HUNK: variants seen among roughly 807,000 people sequenced by gnomAD.
The protein encoded by HUNK is hormonally up-regulated Neu-associated kinase, also known as hormonally up-regulated neu tumor-associated kinase.
HUNK carries 21 observed loss-of-function variants against 61.0 expected under a neutral mutation model. The observed-to-expected ratio is 0.34, with a 90% CI of 0.24 to 0.50. The LOEUF (loss-of-function observed/expected upper bound fraction) is 0.50, where lower values mean the gene tolerates loss of function less well. HUNK is among the 20% of genes least tolerant of loss of function. HUNK has a pLI of 0.98. For missense variants in HUNK, 772 were observed against 945.7 expected, an observed-to-expected ratio of 0.82 and a Z score of 2.41; for synonymous variants, 371 against 386.1, an observed-to-expected ratio of 0.96 and a Z score of 0.46.
At chr21:31,916,633 A>C (rs1325101391) in intron 1 of HUNK, among the ~76,000 whole-genome samples, 1 of 147,294 alleles carries the variant, frequency 6.8e-6, no homozygotes, top group African/African-American at 2.5e-5. Context: ...TGCAGGGCAA[A>C]CTCTTCCTCC....
At chr21:31,932,867 C>T (rs2123822620) in intron 2 of HUNK, among the ~76,000 whole-genome samples, 1 of 151,982 alleles carries the variant, frequency 6.6e-6, no homozygotes, top group South Asian at 2.1e-4. Context: ...ATCCTCACCC[C>T]CAGCACTGTC....
intron 6 of HUNK, among the ~76,000 whole-genome samples, chr21:31,971,219 G>A (rs1438324652): frequency 6.6e-6 from 1 of 151,874 alleles, no homozygotes; most frequent in Admixed American, 6.6e-5. Flanking sequence ...GCTGGGATTA[G>A]TGCCACCACG....
rs142122567 is a variant in HUNK, at chr21:31,877,861, G to A, written c.261+3926G>A. Among the ~76,000 whole-genome samples the A allele has an allele frequency of 3.3e-3, 500 of 152,168 alleles. 1 individual carries two copies. The highest frequency in any genetic ancestry group is 0.011 in the African/African-American group (461 of 41,510). On this transcript the variant is annotated intron_variant, in intron 1 of 10. Transcript: ENST00000270112. Reference sequence around the variant, plus strand: ...CTCTGGCACATAACAAGTGCCCCCCGCCCTGGCCCCCAACCAGACAGAGTG... The same window carrying A: ...CTCTGGCACATAACAAGTGCCCCCCACCCTGGCCCCCAACCAGACAGAGTG...
At chr21:31,934,442 C>CAAAAAA (rs35817125) in intron 2 of HUNK, among the ~76,000 whole-genome samples, 38 of 88,794 alleles carry the variant, frequency 4.3e-4, no homozygotes, top group South Asian at 1.1e-3. Flanking sequence ...GACTCTGCCT[C>CAAAAAA]AAAAAAAAAA....
intron 2 of HUNK, among the ~76,000 whole-genome samples, chr21:31,933,962 C>T (rs2052715567): frequency 6.6e-6 from 1 of 152,010 alleles, no homozygotes; most frequent in Non-Finnish European, 1.5e-5. Context: ...ACCGCATCGT[C>T]ATGTGCCGAC....
Position 31,995,810 on chromosome 21 carries a change from C to T in HUNK, c.1348C>T (p.His450Tyr). ...ACAAGAAAAAAGAGGGGATTTTCTT[C>T]ATCGACCATTCTCCAAGAAGTTGGA... ...KEQEKRGDFL[H>Y]RPFSKKLDKN... is the part of the protein sequence containing the mutation. The change falls in exon 10 of 11, where the codon CAT (histidine) becomes TAT (tyrosine). Residue 450 changes from histidine to tyrosine, a missense_variant. His to Tyr is a moderately conservative substitution (Grantham distance 83, BLOSUM62 2). Around this residue, in one of 2 missense-constraint regions of HUNK, gnomAD observed 413 missense variants for 444.4 expected, o/e 0.93. Transcript: ENST00000270112. 6.2e-7 allele frequency: 1 copy of T among 1,614,188 alleles called. No individual in the cohort carries two copies. The highest frequency in any genetic ancestry group is 1.1e-5 in the South Asian group (1 of 91,082).
intron 7 of HUNK, among the ~76,000 whole-genome samples, chr21:31,976,933 A>G (rs140308926): frequency 2.8e-3 from 417 of 149,238 alleles, no homozygotes; most frequent in Middle Eastern, 7.6e-3. Context: ...ACCATGACCA[A>G]CTAATTTTTG....
chr21:31,985,879 G>A (rs998749835), intron 8 of HUNK, among the ~76,000 whole-genome samples: 2 of 152,252 alleles, frequency 1.3e-5, no homozygotes, highest in Non-Finnish European at 1.5e-5. Flanking sequence ...ACATGACCTC[G>A]ATAGAAGGAT....
At chr21:31,905,003 G>A (rs1000437192) in intron 1 of HUNK, among the ~76,000 whole-genome samples, 4 of 151,772 alleles carry the variant, frequency 2.6e-5, no homozygotes, top group East Asian at 1.9e-4. Context: ...GCTTGAACCC[G>A]GGAGGCAGAG....
intron 6 of HUNK, among the ~76,000 whole-genome samples, chr21:31,971,061 T>G (rs1234823257): frequency 1.1e-4 from 5 of 46,398 alleles, no homozygotes; most frequent in African/African-American, 4.6e-4. Flanking sequence ...AGAATTCTTT[T>G]TCTTTATTTT....
At chr21:31,875,025 GC>G (rs1032501117) in intron 1 of HUNK, among the ~76,000 whole-genome samples, 1 of 152,166 alleles carries the variant, frequency 6.6e-6, no homozygotes, top group Non-Finnish European at 1.5e-5. Context: ...GCTCAAGACT[GC>G]CCCCAGGCTG....
intron 2 of HUNK, 80 bp from the exon 3 acceptor site, chr21:31,940,085 T>C: frequency 8.7e-7 from 1 of 1,152,148 alleles, no homozygotes; most frequent in South Asian, 1.4e-5. Context: ...TAAAAACAGT[T>C]CATTTCCCTT....
chr21:31,959,078 C>T, intron 5 of HUNK, 108 bp downstream of exon 5: 1 of 1,158,802 alleles, frequency 8.6e-7, no homozygotes, highest in Non-Finnish European at 1.2e-6. Context: ...ATGTCTATCC[C>T]ATGGTTATAA....
chr21:31,886,814 T>G (rs1394583154), intron 1 of HUNK, among the ~76,000 whole-genome samples: 1 of 152,040 alleles, frequency 6.6e-6, no homozygotes, highest in Non-Finnish European at 1.5e-5. Flanking sequence ...CCCAGCTAAT[T>G]TTTGTATTTT....
chr21:31,933,926 C>T (rs939580185), intron 2 of HUNK, among the ~76,000 whole-genome samples: 2 of 152,118 alleles, frequency 1.3e-5, no homozygotes, highest in Non-Finnish European at 2.9e-5. Flanking sequence ...GGACCATTCA[C>T]GTGAAGTGGG....
In HUNK at chr21:31,999,705, A is replaced by T. The variant is rs2053233549; in HGVS notation, c.*521A>T. 1 of 160,334 alleles carries T rather than the reference A, an allele frequency of 6.2e-6. No individual in the cohort carries two copies. Among genetic ancestry groups the T allele is most frequent in the Non-Finnish European group, 1.4e-5 (1 of 73,854 alleles). 9.9% of individuals were successfully genotyped at this position (160,334 alleles called of 1,614,324 possible). A position where few individuals can be genotyped will look rare whatever the true frequency, so the allele number is the denominator to read the frequency against. On this transcript the variant is annotated 3_prime_UTR_variant, in exon 11 of 11. Coordinates refer to ENST00000270112, the MANE Select transcript of HUNK (RefSeq NM_014586.2). ...AGCAGGAGCCGGGGGCAGGCCCAGG[A>T]TCCTCAGAGGAAGATGGAGAGGAGC...
intron 4 of HUNK, among the ~76,000 whole-genome samples, chr21:31,957,228 A>G (rs2052895613): frequency 6.6e-6 from 1 of 151,940 alleles, no homozygotes; most frequent in African/African-American, 2.4e-5. Context: ...CCCACTCAAA[A>G]CCCAAGAGGG....
intron 5 of HUNK, among the ~76,000 whole-genome samples, chr21:31,966,402 G>A (rs1354188017): frequency 2.0e-5 from 3 of 152,158 alleles, no homozygotes; most frequent in African/African-American, 7.2e-5. Context: ...GTGTGCAAGT[G>A]TCTTTTTCAT....
chr21:31,924,442 C>T lies in HUNK; in HGVS notation c.262-26C>T. 6.2e-7 allele frequency: 1 copy of T among 1,600,412 alleles called. No individual in the cohort carries two copies. The highest frequency in any genetic ancestry group is 8.5e-7 in the Non-Finnish European group (1 of 1,173,500). ...CGCTATTGTCTGTAATGTCTGATAACAGGCATGTTCTTGTTTTCTCCTTAG... is the reference window on the plus strand; with the variant it reads ...CGCTATTGTCTGTAATGTCTGATAATAGGCATGTTCTTGTTTTCTCCTTAG... On this transcript the variant is annotated intron_variant, in intron 1 of 10. Coordinates refer to ENST00000270112, the MANE Select transcript of HUNK (RefSeq NM_014586.2). The surrounding 1 kb of genome is among the most constrained non-coding windows in gnomAD (Gnocchi z 5.1).
Sources: gnomAD v4.1 joint callset for allele counts (sites outside exome capture counted in the v4.1 genomes callset) on GRCh38, gnomAD v4.1.1 for gene constraint, gnomAD v4.1.1 regional missense constraint, Gnocchi (gnomAD v3.1) non-coding constraint, MANE v1.5 for transcripts, NCBI Gene and HGNC (gene_info 2026-07-23, HGNC 2026-07-21) for gene names.